The following HMCN1 variants were observed in gnomAD, a reference collection of about 807,000 sequenced individuals.
The protein encoded by HMCN1 is hemicentin-1.
HMCN1 carries 321 observed loss-of-function variants against 625.9 expected under a neutral mutation model. The observed-to-expected ratio is 0.51, with a 90% CI of 0.47 to 0.56. The LOEUF (loss-of-function observed/expected upper bound fraction) is 0.56. HMCN1 is among the 20% of genes least tolerant of loss of function. The pLI, the probability that HMCN1 is intolerant of heterozygous loss-of-function variation, is 0.00. For synonymous variants in HMCN1, 2,425 were observed against 2,417.6 expected (o/e 1.00, Z -0.09); for missense variants, 6,588 against 6,887.3 (o/e 0.96, Z 1.54).
chr1:185,855,243 A>C (rs1024187502), intron 2 of HMCN1, among the ~76,000 whole-genome samples: 3 of 152,188 alleles, frequency 2.0e-5, no homozygotes, highest in African/African-American at 7.2e-5. Flanking sequence ...ATCCATTCCA[A>C]CCAGGGCAAT....
intron 25 of HMCN1, among the ~76,000 whole-genome samples, chr1:185,997,856 A>C (rs1393458904): frequency 6.9e-6 from 1 of 145,774 alleles, no homozygotes; most frequent in South Asian, 2.2e-4. Context: ...TGATAGCTGG[A>C]GCTATTCAAA....
At position 185,984,218 on chromosome 1, in the gene HMCN1, T is replaced by C; in HGVS notation, c.2840T>C (p.Ile947Thr). The change falls in exon 19 of 107, where the codon ATT becomes ACT. Residue 947 changes from isoleucine to threonine, a missense_variant. Ile to Thr is a moderately conservative substitution (Grantham distance 89). This residue lies in a region of HMCN1 where 4,628 missense variants were observed against 4,853.1 expected (regional missense o/e 0.95). Coordinates refer to ENST00000271588, the MANE Select transcript of HMCN1 (RefSeq NM_031935.3). ...GTGCGCAGTGATGGGAGCCTCCATA[T>C]TGAAAGAGTTCAGCTTCAGGATGGT... ...ITVRSDGSLH[I>T]ERVQLQDGGE... 6.2e-7 allele frequency: 1 copy of C among 1,613,608 alleles called. No homozygotes were observed. The highest frequency in any genetic ancestry group is 8.5e-7 in the Non-Finnish European group (1 of 1,179,592).
intron 11 of HMCN1, among the ~76,000 whole-genome samples, chr1:185,937,749 C>A (rs1353940718): frequency 6.6e-6 from 1 of 151,908 alleles, no homozygotes; most frequent in African/African-American, 2.4e-5. Flanking sequence ...GGCTTGGTGG[C>A]ACACATCTGT....
intron 69 of HMCN1, among the ~76,000 whole-genome samples, chr1:186,103,894 AC>A (rs2102445469): frequency 6.6e-6 from 1 of 152,214 alleles, no homozygotes; most frequent in East Asian, 1.9e-4. Context: ...CTTTCCATTA[AC>A]TTTTGCAAGT....
intron 4 of HMCN1, among the ~76,000 whole-genome samples, chr1:185,880,977 C>T (rs1664269593): frequency 6.6e-6 from 1 of 152,220 alleles, no homozygotes; most frequent in Non-Finnish European, 1.5e-5. Context: ...TGCTTTTGGG[C>T]ACCAGCAGGA....
intron 66 of HMCN1, among the ~76,000 whole-genome samples, chr1:186,094,002 C>T (rs1382862950): frequency 6.6e-6 from 1 of 151,992 alleles, no homozygotes; most frequent in Non-Finnish European, 1.5e-5. Context: ...ATGTGATTTT[C>T]ATGTTAGCAG....
rs1660487192 is a variant in HMCN1, at chr1:186,103,674, T to A, written c.10770+6T>A. ...TTCGAATTTCTACTGCTCAGGTAAG[T>A]GTCAAAGTTCATAGAATTATTTTAG... On this transcript the variant is annotated splice_donor_region_variant and intron_variant, in intron 69 of 106. Transcript: ENST00000271588. 1.7e-5 allele frequency: 28 copies of A among 1,612,058 alleles called. No homozygotes were observed. The highest frequency in any genetic ancestry group is 2.4e-5 in the Non-Finnish European group (28 of 1,178,626).
chr1:185,880,381 G>A (rs950880322), intron 4 of HMCN1, among the ~76,000 whole-genome samples: 17 of 152,148 alleles, frequency 1.1e-4, no homozygotes, highest in African/African-American at 3.6e-4. Flanking sequence ...TGTGAATCAT[G>A]GTAGGTCCAG....
chr1:186,044,837 G>A (rs980846264), intron 40 of HMCN1, among the ~76,000 whole-genome samples: 3 of 152,048 alleles, frequency 2.0e-5, no homozygotes, highest in African/African-American at 7.2e-5. Flanking sequence ...AAGTTATGGA[G>A]CCCACCCTCT....
chr1:185,904,545 G>C (rs1313275787), intron 4 of HMCN1, among the ~76,000 whole-genome samples: 1 of 151,662 alleles, frequency 6.6e-6, no homozygotes, highest in Non-Finnish European at 1.5e-5. Flanking sequence ...TTTTTCACTA[G>C]ATATTATTTC....
At position 186,135,505 on chromosome 1, in the gene HMCN1, T is replaced by A. The variant is rs563721111; in HGVS notation, c.13313-1163T>A. ...TCATCTTTATTCTGAGCTCTAGATATGAATATCCCTGTCATGTAGACATCG... is the reference window on the plus strand; with the variant it reads ...TCATCTTTATTCTGAGCTCTAGATAAGAATATCCCTGTCATGTAGACATCG... On this transcript the variant is annotated intron_variant, in intron 86 of 106. Transcript: ENST00000271588. 1.0e-3 allele frequency among the ~76,000 whole-genome samples: 156 copies of A among 152,324 alleles called. No homozygotes were observed. In the Middle Eastern group the frequency reaches 0.017, roughly 17 times the overall value.
intron 4 of HMCN1, among the ~76,000 whole-genome samples, chr1:185,901,307 C>T (rs1665792481): frequency 6.6e-6 from 1 of 151,776 alleles, no homozygotes; most frequent in Non-Finnish European, 1.5e-5. Context: ...AACTCTCTCT[C>T]TTTCTTCTTC....
rs898919818 is a variant in HMCN1 at position 185,734,510 on chromosome 1, A to C, written c.-270A>C. The C allele has an allele frequency of 6.8e-6, 3 of 438,302 alleles. No homozygotes were observed. Among genetic ancestry groups the C allele is most frequent in the Non-Finnish European group, 8.3e-6 (2 of 242,416 alleles). 27.2% of individuals were successfully genotyped at this position (438,302 alleles called of 1,614,324 possible). A position where few individuals can be genotyped will look rare whatever the true frequency, so the allele number is the denominator to read the frequency against. Reference sequence around the variant, plus strand: ...CCCGACGCGCCGCCCGCACTCCGCCACAGGCTGTCCAGGGCCCGCGGGCAG... The same window carrying C: ...CCCGACGCGCCGCCCGCACTCCGCCCCAGGCTGTCCAGGGCCCGCGGGCAG... On this transcript the variant is annotated 5_prime_UTR_variant, in exon 1 of 107. Coordinates refer to ENST00000271588, the MANE Select transcript of HMCN1 (RefSeq NM_031935.3).
Position 186,018,266 on chromosome 1 carries a change from C to T in HMCN1, c.5384C>T (p.Ala1795Val). Residue 1795 changes from alanine to valine, a missense_variant, in exon 34 of 107, where the codon GCT becomes GTT. Transcript: ENST00000271588. ...LNGRKLVIAQAQVSNTGLYRC... is the reference protein window; with the variant it reads ...LNGRKLVIAQVQVSNTGLYRC... ...GGACGCAAACTGGTTATTGCTCAGG[C>T]TCAAGTGTCAAACACAGGCCTTTAT... 2 of 1,612,812 alleles carry T rather than the reference C, an allele frequency of 1.2e-6. No homozygotes were observed. Among genetic ancestry groups the T allele is most frequent in the Non-Finnish European group, 1.7e-6 (2 of 1,179,048 alleles).
At chr1:185,901,491 C>T (rs1030807291) in intron 4 of HMCN1, among the ~76,000 whole-genome samples, 41 of 151,736 alleles carry the variant, frequency 2.7e-4, no homozygotes, top group African/African-American at 8.9e-4. Context: ...GAGTTTTATA[C>T]TTACTAGAAA....
intron 54 of HMCN1, 102 bp downstream of exon 54, chr1:186,076,724 T>C (rs1455795301): frequency 8.6e-7 from 1 of 1,159,478 alleles, no homozygotes; most frequent in African/African-American, 1.5e-5. Flanking sequence ...GGCTAAGTAA[T>C]TTAACTGGCA....
intron 100 of HMCN1, among the ~76,000 whole-genome samples, chr1:186,167,463 TAC>T (rs1284125874): frequency 2.0e-5 from 3 of 152,206 alleles, no homozygotes; most frequent in Non-Finnish European, 4.4e-5. Flanking sequence ...GTACGTTTGT[TAC>T]AGTCAATAAA....
intron 1 of HMCN1, among the ~76,000 whole-genome samples, chr1:185,741,812 T>C (rs1226843071): frequency 6.6e-6 from 1 of 152,208 alleles, no homozygotes; most frequent in Non-Finnish European, 1.5e-5. Flanking sequence ...AGTGAAAGCC[T>C]GTTTGGAGAG....
At chr1:186,165,088 C>T (rs763829086) in intron 97 of HMCN1, 23 bp from the exon 98 acceptor site, 1 of 1,611,584 alleles carries the variant, frequency 6.2e-7, no homozygotes, top group Non-Finnish European at 8.5e-7. Context: ...AGCCAGTTAA[C>T]TTTGCTTTCC....
Sources: allele counts gnomAD v4.1 joint callset (sites outside exome capture counted in the v4.1 genomes callset), GRCh38; gene constraint gnomAD v4.1.1; regional missense constraint gnomAD v4.1.1; transcripts MANE v1.5; gene names NCBI Gene and HGNC (gene_info 2026-07-23, HGNC 2026-07-21).